Variants in MYO3A observed in about 807,000 individuals in gnomAD.
MYO3A encodes the protein myosin-IIIa.
A neutral mutation model predicts 192.7 loss-of-function variants in MYO3A; 180 were observed. The observed-to-expected ratio is 0.93, with a 90% CI of 0.83 to 1.06. The LOEUF (loss-of-function observed/expected upper bound fraction) is 1.06, where lower values mean the gene tolerates loss of function less well. Among genes scored for constraint, MYO3A ranks in the 50% least tolerant of loss-of-function variants. The pLI is 0.00. For missense variants in MYO3A, 1,896 were observed against 1,905.0 expected, an observed-to-expected ratio of 1.00 and a Z score of 0.09; for synonymous variants, 628 against 645.3, an observed-to-expected ratio of 0.97 and a Z score of 0.41.
At chr10:26,153,174 T>C (rs1840904447) in intron 23 of MYO3A, among the ~76,000 whole-genome samples, 1 of 152,220 alleles carries the variant, frequency 6.6e-6, no homozygotes, top group South Asian at 2.1e-4. Context: ...GCCAGACATA[T>C]TATCGCATTT....
At chr10:25,957,950 T>C (rs1168707822) in intron 4 of MYO3A, among the ~76,000 whole-genome samples, 13 of 152,160 alleles carry the variant, frequency 8.5e-5, no homozygotes, top group Admixed American at 8.5e-4. Context: ...TGTTTTTTCC[T>C]TCTAAATATA....
intron 31 of MYO3A, among the ~76,000 whole-genome samples, chr10:26,191,189 A>G (rs1843109599): frequency 6.6e-6 from 1 of 152,222 alleles, no homozygotes; most frequent in Admixed American, 6.5e-5. Flanking sequence ...TGCATTTTGA[A>G]ATGATAAAAG....
intron 3 of MYO3A, among the ~76,000 whole-genome samples, chr10:25,953,433 C>T (rs1837339060): frequency 6.6e-6 from 1 of 151,958 alleles, no homozygotes; most frequent in Non-Finnish European, 1.5e-5. Context: ...ACTCAGTATG[C>T]CCAGGCTTAA....
At chr10:26,017,633 G>T (rs902941553) in intron 7 of MYO3A, among the ~76,000 whole-genome samples, 3 of 151,768 alleles carry the variant, frequency 2.0e-5, no homozygotes, top group Non-Finnish European at 2.9e-5. Context: ...TTAAAAGCTG[G>T]TATGCTGTTT....
At chr10:26,176,281 GAGACTCCGTCTC>G (rs1842327714) in intron 30 of MYO3A, among the ~76,000 whole-genome samples, 1 of 149,272 alleles carries the variant, frequency 6.7e-6, no homozygotes, top group Admixed American at 6.7e-5. Flanking sequence ...GCGACAGAGC[GAGACTCCGTCTC>G]AAAAAAAAAA....
At chr10:26,166,502 C>T (rs943936214) in intron 27 of MYO3A, among the ~76,000 whole-genome samples, 2 of 152,082 alleles carry the variant, frequency 1.3e-5, no homozygotes, top group Non-Finnish European at 2.9e-5. Context: ...GATCACACCA[C>T]TGCACTCCAG....
chr10:26,017,858 AG>A (rs1196001275), intron 7 of MYO3A, among the ~76,000 whole-genome samples: 2 of 151,456 alleles, frequency 1.3e-5, no homozygotes, highest in East Asian at 3.9e-4. Context: ...CTCAAAGGAG[AG>A]TTTCTTTAGA....
At chr10:26,168,943 T>G in intron 28 of MYO3A, 69 bp downstream of exon 28, 1 of 1,460,562 alleles carries the variant, frequency 6.8e-7, no homozygotes, top group Non-Finnish European at 9.5e-7. Flanking sequence ...CAGGCAAACC[T>G]CCAATTCTTG....
rs538861587 is a variant in MYO3A at position 25,952,876 on chromosome 10, C to CTT, written c.168+613_168+614dup. Among the ~76,000 whole-genome samples, 133 of 134,444 alleles carry CTT rather than the reference C, an allele frequency of 9.9e-4. 1 individual carries two copies. Among genetic ancestry groups the CTT allele is most frequent in the Middle Eastern group, 7.8e-3 (2 of 256 alleles). 88.2% of individuals were successfully genotyped at this position (134,444 alleles called of 152,430 possible). On this transcript the variant is annotated intron_variant, in intron 3 of 34. Coordinates refer to ENST00000642920, the MANE Select transcript of MYO3A (RefSeq NM_017433.5). ...GAGGCCACAATGGGGGCCCCATTTG[C>CTT]TTTTTTTTTTTTTTTTAAGTAGCAG...
rs13376996 is a variant in MYO3A, at chr10:26,169,873, T to A, written c.3275-543T>A. Among the ~76,000 whole-genome samples, 1,395 of 152,330 alleles carry A rather than the reference T, an allele frequency of 9.2e-3. 24 individuals are homozygous for A. The highest frequency in any genetic ancestry group is 0.031 in the African/African-American group (1,284 of 41,576). Reference sequence around the variant, plus strand: ...TTGGCAGTAAAACATAGCAATGTGATGTGAAGTTATTTACAGTTCTTTACT... The same window carrying A: ...TTGGCAGTAAAACATAGCAATGTGAAGTGAAGTTATTTACAGTTCTTTACT... On this transcript the variant is annotated intron_variant, in intron 28 of 34. Transcript: ENST00000642920.
chr10:26,202,005 T>A (rs1477764065), intron 33 of MYO3A, among the ~76,000 whole-genome samples: 2 of 152,212 alleles, frequency 1.3e-5, no homozygotes, highest in South Asian at 2.1e-4. Flanking sequence ...ATCTTGCTGC[T>A]TGTAATTTTT....
intron 2 of MYO3A, among the ~76,000 whole-genome samples, chr10:25,947,963 T>A: frequency 6.6e-6 from 1 of 152,094 alleles, no homozygotes; most frequent in East Asian, 1.9e-4. Context: ...TAGGAAGTGA[T>A]AAGTGTTATC....
At chr10:26,132,220 A>G (rs1456237758) in intron 20 of MYO3A, among the ~76,000 whole-genome samples, 1 of 152,202 alleles carries the variant, frequency 6.6e-6, no homozygotes, top group African/African-American at 2.4e-5. Flanking sequence ...CTTAACAGTA[A>G]TCAAACTGTG....
intron 20 of MYO3A, among the ~76,000 whole-genome samples, chr10:26,137,432 CTTG>C (rs1839916062): frequency 6.6e-6 from 1 of 152,204 alleles, no homozygotes; most frequent in Non-Finnish European, 1.5e-5. Context: ...ATCTCTTAAT[CTTG>C]TTATCTTTGT....
chr10:26,027,492 G>T (rs1000250318), intron 10 of MYO3A, among the ~76,000 whole-genome samples: 6 of 151,884 alleles, frequency 4.0e-5, no homozygotes, highest in African/African-American at 1.5e-4. Context: ...CTATAGGCAT[G>T]TACCACCGTG....
intron 28 of MYO3A, among the ~76,000 whole-genome samples, chr10:26,170,098 G>C (rs1321539751): frequency 6.6e-6 from 1 of 152,042 alleles, no homozygotes; most frequent in Non-Finnish European, 1.5e-5. Flanking sequence ...GAAACACATA[G>C]CAAAAAAATG....
intron 6 of MYO3A, among the ~76,000 whole-genome samples, chr10:26,000,779 T>A (rs1320739894): frequency 2.0e-5 from 3 of 152,124 alleles, no homozygotes; most frequent in Non-Finnish European, 4.4e-5. Flanking sequence ...TCTTACCTTC[T>A]GTATTAGCCC....
intron 25 of MYO3A, among the ~76,000 whole-genome samples, chr10:26,156,776 A>T (rs1223906458): frequency 6.6e-6 from 1 of 152,148 alleles, no homozygotes; most frequent in Non-Finnish European, 1.5e-5. Flanking sequence ...TGTTGAACAG[A>T]TTATTTCATC....
chr10:25,995,652 T>C (rs1373685033), intron 4 of MYO3A, among the ~76,000 whole-genome samples: 1 of 152,254 alleles, frequency 6.6e-6, no homozygotes, highest in African/African-American at 2.4e-5. Context: ...CTTTGGTCTT[T>C]AATGATGGTG....
Sources: allele counts gnomAD v4.1 joint callset (sites outside exome capture counted in the v4.1 genomes callset), GRCh38; gene constraint gnomAD v4.1.1; transcripts MANE v1.5; gene names NCBI Gene and HGNC (gene_info 2026-07-23, HGNC 2026-07-21).